GPC5: variants seen among roughly 807,000 people sequenced by gnomAD.
GPC5 encodes the protein glypican 5.
Under a neutral mutation model 53.9 loss-of-function variants are expected in GPC5, and 47 were observed. The ratio of observed to expected loss-of-function variants is 0.87; its 90% CI spans 0.69 to 1.11. The LOEUF is 1.11. Ranked by LOEUF, GPC5 falls within the 50% of genes most tolerant of loss-of-function variation. GPC5 has a pLI of 0.00. For missense variants in GPC5, 748 were observed against 713.1 expected (o/e 1.05, Z -0.56); for synonymous variants, 286 against 263.3 (o/e 1.09, Z -0.84).
intron 2 of GPC5, among the ~76,000 whole-genome samples, chr13:91,481,713 A>G (rs1883306499): frequency 6.6e-6 from 1 of 152,144 alleles, no homozygotes; most frequent in South Asian, 2.1e-4. Flanking sequence ...AAGTGATCTC[A>G]TAGCACCTAG....
intron 7 of GPC5, among the ~76,000 whole-genome samples, chr13:92,214,141 T>C (rs2042394213): frequency 6.6e-6 from 1 of 152,188 alleles, no homozygotes; most frequent in South Asian, 2.1e-4. Flanking sequence ...CTGTTTTCTA[T>C]CATAGCAATA....
At chr13:92,723,615 T>C (rs967568423) in intron 7 of GPC5, among the ~76,000 whole-genome samples, 1 of 151,686 alleles carries the variant, frequency 6.6e-6, no homozygotes, top group African/African-American at 2.4e-5. Flanking sequence ...TCACAATATA[T>C]CCTTATAGTA....
chr13:92,786,484 G>GA (rs994740106), intron 7 of GPC5, among the ~76,000 whole-genome samples: 2 of 151,858 alleles, frequency 1.3e-5, no homozygotes, highest in African/African-American at 4.8e-5. Context: ...TGGCATATCT[G>GA]AAAAAAAGAG....
At chr13:92,017,695 G>C (rs1206009903) in intron 6 of GPC5, among the ~76,000 whole-genome samples, 1 of 152,058 alleles carries the variant, frequency 6.6e-6, no homozygotes, top group Non-Finnish European at 1.5e-5. Flanking sequence ...TAAGACCCAT[G>C]TGTGTCTATA....
intron 7 of GPC5, among the ~76,000 whole-genome samples, chr13:92,821,774 C>T (rs1438981128): frequency 6.6e-6 from 1 of 152,036 alleles, no homozygotes; most frequent in Admixed American, 6.6e-5. Context: ...AACTTTTGTG[C>T]TCTTTTAGAA....
In GPC5 at chr13:92,421,698, C is replaced by CA. The variant is rs34055682; in HGVS notation, c.1561+276731dup. On this transcript the variant is annotated intron_variant, in intron 7 of 7. Coordinates refer to ENST00000377067, the MANE Select transcript of GPC5 (RefSeq NM_004466.6). ...TGTGCCACAGAGCAAGACTCCGTCT[C>CA]AAAAAAAAAAAAAAAAAAAAAAGTT... 7.7e-3 allele frequency among the ~76,000 whole-genome samples: 537 copies of CA among 69,414 alleles called. 23 individuals are homozygous for CA. The highest frequency in any genetic ancestry group is 0.031 in the African/African-American group (495 of 15,996). The allele number at this position is 69,414 out of a possible 152,430, so 45.5% of individuals were successfully genotyped here.
At chr13:91,498,047 C>G (rs886261539) in intron 2 of GPC5, among the ~76,000 whole-genome samples, 3 of 151,822 alleles carry the variant, frequency 2.0e-5, no homozygotes, top group Non-Finnish European at 4.4e-5. Context: ...GAGTGATATT[C>G]AAACCTCTTA....
chr13:91,572,096 T>C (rs1417288727), intron 2 of GPC5, among the ~76,000 whole-genome samples: 1 of 128,336 alleles, frequency 7.8e-6, no homozygotes, highest in East Asian at 2.0e-4. Context: ...TGTACATGTG[T>C]GTGTATATAC....
At chr13:92,165,375 A>G (rs540543105) in intron 7 of GPC5, among the ~76,000 whole-genome samples, 15 of 152,314 alleles carry the variant, frequency 9.8e-5, no homozygotes, top group Non-Finnish European at 2.2e-4. Context: ...GTTTGTTTTC[A>G]CACTGCTATG....
chr13:92,315,319 G>A (rs981637400), intron 7 of GPC5, among the ~76,000 whole-genome samples: 7 of 152,176 alleles, frequency 4.6e-5, no homozygotes, highest in Admixed American at 6.5e-5. Flanking sequence ...GATAAATTGG[G>A]CTCCTCAATC....
intron 6 of GPC5, among the ~76,000 whole-genome samples, chr13:92,014,437 C>T (rs1021636022): frequency 6.6e-6 from 1 of 152,110 alleles, no homozygotes; most frequent in Non-Finnish European, 1.5e-5. Context: ...TAGTATCCTC[C>T]TTACAATGTG....
Position 91,896,051 on chromosome 13 carries a change from C to T in GPC5, c.1281-11886C>T, listed in dbSNP as rs148673147. On this transcript the variant is annotated intron_variant, in intron 5 of 7. Transcript: ENST00000377067. ...CCTCTGCCTCAGCCTTACAGGAACACATGTGATTGTATTTAGGGCCTGCCC... is the reference window on the plus strand; with the variant it reads ...CCTCTGCCTCAGCCTTACAGGAACATATGTGATTGTATTTAGGGCCTGCCC... Among the ~76,000 whole-genome samples the T allele has an allele frequency of 7.9e-5, 12 of 151,944 alleles. No homozygotes were observed. The East Asian group carries it at 2.3e-3, about 29-fold the overall frequency.
intron 2 of GPC5, among the ~76,000 whole-genome samples, chr13:91,590,765 CTT>C (rs779299034): frequency 4.1e-4 from 63 of 152,300 alleles, no homozygotes; most frequent in Non-Finnish European, 7.9e-4. Flanking sequence ...CTCATTCCCT[CTT>C]TTTCTTCTCC....
At chr13:91,673,409 A>G (rs994633228) in intron 2 of GPC5, among the ~76,000 whole-genome samples, 1 of 152,168 alleles carries the variant, frequency 6.6e-6, no homozygotes, top group African/African-American at 2.4e-5. Flanking sequence ...CTGAACATCT[A>G]TACTAACCAT....
At chr13:92,740,725 A>G (rs567212615) in intron 7 of GPC5, among the ~76,000 whole-genome samples, 29 of 151,906 alleles carry the variant, frequency 1.9e-4, no homozygotes, top group Admixed American at 3.3e-4. Context: ...TTTCAAGCAC[A>G]TAATAAGCAA....
intron 5 of GPC5, among the ~76,000 whole-genome samples, chr13:91,857,121 T>C (rs930080641): frequency 2.6e-5 from 4 of 151,546 alleles, no homozygotes; most frequent in East Asian, 1.9e-4. Context: ...CTTACACCAA[T>C]ATCATTTTGT....
chr13:92,803,766 C>A (rs1408663224), intron 7 of GPC5, among the ~76,000 whole-genome samples: 2 of 151,914 alleles, frequency 1.3e-5, no homozygotes, highest in Non-Finnish European at 2.9e-5. Flanking sequence ...ATCTACATGT[C>A]TCAAATTGAT....
chr13:91,537,846 C>T (rs1306612559), intron 2 of GPC5, among the ~76,000 whole-genome samples: 1 of 152,132 alleles, frequency 6.6e-6, no homozygotes, highest in Non-Finnish European at 1.5e-5. Context: ...TGCAGGAATG[C>T]AAGCTTGATC....
intron 4 of GPC5, among the ~76,000 whole-genome samples, chr13:91,755,536 G>C (rs1197348405): frequency 6.6e-6 from 1 of 152,040 alleles, no homozygotes; most frequent in Non-Finnish European, 1.5e-5. Flanking sequence ...GTCCTCCAAA[G>C]CCTTGGTTTT....
Sources: gnomAD v4.1 joint callset for allele counts (sites outside exome capture counted in the v4.1 genomes callset) on GRCh38, gnomAD v4.1.1 for gene constraint, MANE v1.5 for transcripts, NCBI Gene and HGNC (gene_info 2026-07-23, HGNC 2026-07-21) for gene names.